PCDH9: variants seen among roughly 807,000 people sequenced by gnomAD.
PCDH9 encodes protocadherin-9.
PCDH9 carries 24 observed loss-of-function variants against 70.6 expected under a neutral mutation model. The ratio of observed to expected loss-of-function variants is 0.34; its 90% CI spans 0.25 to 0.48. The LOEUF is 0.48. Among genes scored for constraint, PCDH9 ranks in the 20% least tolerant of loss-of-function variants. PCDH9 has a pLI of 0.99. For missense variants in PCDH9, 1,281 were observed against 1,503.6 expected, an observed-to-expected ratio of 0.85 and a Z score of 2.45; for synonymous variants, 562 against 558.5, an observed-to-expected ratio of 1.01 and a Z score of -0.09.
chr13:66,990,990 C>G (rs1327589773), intron 2 of PCDH9: 3 of 151,840 alleles, frequency 2.0e-5, no homozygotes, highest in Non-Finnish European at 4.4e-5. Context: ...TGTTAATTTT[C>G]TTTTCCAGAA....
chr13:66,814,834 T>C (rs1303602772), intron 3 of PCDH9, among the ~76,000 whole-genome samples: 1 of 152,156 alleles, frequency 6.6e-6, no homozygotes, highest in Non-Finnish European at 1.5e-5. Context: ...AATACCATTC[T>C]GGACATAGGA....
chr13:66,986,650 C>T (rs1264037978), intron 2 of PCDH9, among the ~76,000 whole-genome samples: 1 of 151,884 alleles, frequency 6.6e-6, no homozygotes, highest in East Asian at 1.9e-4. Flanking sequence ...CTTATTAATA[C>T]TTCTATAGCA....
intron 4 of PCDH9, among the ~76,000 whole-genome samples, chr13:66,377,280 C>G (rs558654103): frequency 6.6e-6 from 1 of 152,200 alleles, no homozygotes; most frequent in Admixed American, 6.5e-5. Flanking sequence ...ATCAGAAGCA[C>G]CTGGGGGGCT....
chr13:66,744,331 A>G (rs528495387), intron 3 of PCDH9, among the ~76,000 whole-genome samples: 145 of 152,344 alleles, frequency 9.5e-4, no homozygotes, highest in African/African-American at 3.4e-3. Context: ...AACCATCTCT[A>G]TACATGGATC....
chr13:66,610,148 T>G (rs1374210158), intron 4 of PCDH9, among the ~76,000 whole-genome samples: 3 of 152,066 alleles, frequency 2.0e-5, no homozygotes, highest in Non-Finnish European at 4.4e-5. Flanking sequence ...TTGTTCATCA[T>G]GCTTTGCTTA....
chr13:66,912,742 A>C (rs1304501226), intron 2 of PCDH9, among the ~76,000 whole-genome samples: 2 of 152,010 alleles, frequency 1.3e-5, no homozygotes, highest in African/African-American at 2.4e-5. Context: ...GCCATAAATA[A>C]ACCATATACC....
At chr13:67,017,637 G>A (rs1311086866) in intron 2 of PCDH9, among the ~76,000 whole-genome samples, 2 of 152,128 alleles carry the variant, frequency 1.3e-5, no homozygotes, top group African/African-American at 2.4e-5. Flanking sequence ...TACTATTTTA[G>A]TATTTTTAGA....
At chr13:66,993,527 C>A (rs1348978507) in intron 2 of PCDH9, among the ~76,000 whole-genome samples, 1 of 152,106 alleles carries the variant, frequency 6.6e-6, no homozygotes, top group African/African-American at 2.4e-5. Flanking sequence ...GACCTCCCTA[C>A]CAACTTGCAC....
intron 2 of PCDH9, among the ~76,000 whole-genome samples, chr13:67,119,118 A>C (rs2086832159): frequency 6.6e-6 from 1 of 152,124 alleles, no homozygotes; most frequent in Non-Finnish European, 1.5e-5. Context: ...AAAATAAAAG[A>C]TTTCCATCCT....
intron 4 of PCDH9, among the ~76,000 whole-genome samples, chr13:66,485,233 G>GT (rs1243575621): frequency 6.6e-6 from 1 of 152,216 alleles, no homozygotes. Context: ...ATGGAAACAT[G>GT]TCTAAGGCTG....
intron 4 of PCDH9, among the ~76,000 whole-genome samples, chr13:66,355,173 ACT>A (rs1491019269): frequency 6.6e-6 from 1 of 151,934 alleles, no homozygotes; most frequent in African/African-American, 2.4e-5. Context: ...CCAAGTAGAT[ACT>A]GTTTTTTTTT....
At chr13:66,629,761 G>C (rs1393759989) in intron 4 of PCDH9, among the ~76,000 whole-genome samples, 2 of 152,236 alleles carry the variant, frequency 1.3e-5, no homozygotes, top group African/African-American at 4.8e-5. Context: ...TCTTGGCAGA[G>C]AGAAGATAAA....
chr13:66,952,189 C>G (rs1003871756), intron 2 of PCDH9, among the ~76,000 whole-genome samples: 2 of 152,140 alleles, frequency 1.3e-5, no homozygotes, highest in African/African-American at 4.8e-5. Flanking sequence ...AGGGTACATA[C>G]GCTTCTCCAG....
chr13:67,071,787 G>A (rs61959360), intron 2 of PCDH9, among the ~76,000 whole-genome samples: 15,340 of 151,342 alleles, frequency 0.1, 843 homozygotes, highest in Non-Finnish European at 0.12. Context: ...TACTCTGGAG[G>A]CTGAGGCAGG....
chr13:66,719,142 C>A (rs1028809466), intron 3 of PCDH9, among the ~76,000 whole-genome samples: 1 of 152,160 alleles, frequency 6.6e-6, no homozygotes, highest in African/African-American at 2.4e-5. Flanking sequence ...TAATAGATTG[C>A]AATTTGGTCC....
chr13:67,174,310 G>GATAC (rs567593126), intron 2 of PCDH9, among the ~76,000 whole-genome samples: 1,588 of 149,594 alleles, frequency 0.011, 15 homozygotes, highest in African/African-American at 0.027. Flanking sequence ...TAGATAGATA[G>GATAC]ATAGATACAT....
intron 2 of PCDH9, among the ~76,000 whole-genome samples, chr13:67,023,338 T>G (rs1594404669): frequency 6.6e-6 from 1 of 152,294 alleles, no homozygotes; most frequent in East Asian, 1.9e-4. Flanking sequence ...AAAAAAGCAA[T>G]CACATTAGCA....
At chr13:66,926,357 A>G (rs565235522) in intron 2 of PCDH9, among the ~76,000 whole-genome samples, 1 of 151,982 alleles carries the variant, frequency 6.6e-6, no homozygotes, top group Admixed American at 6.6e-5. Flanking sequence ...TACCCAACCC[A>G]CTCACACACA....
chr13:66,834,785 C>T (rs915564533), intron 3 of PCDH9, among the ~76,000 whole-genome samples: 1 of 152,198 alleles, frequency 6.6e-6, no homozygotes, highest in East Asian at 1.9e-4. Flanking sequence ...TATTTAAATA[C>T]ATCTGTAAGT....
Sources: gnomAD v4.1 joint callset for allele counts (sites outside exome capture counted in the v4.1 genomes callset) on GRCh38, gnomAD v4.1.1 for gene constraint, MANE v1.5 for transcripts, NCBI Gene and HGNC (gene_info 2026-07-23, HGNC 2026-07-21) for gene names.